Variants in MRAP2 observed in about 807,000 individuals in gnomAD.
MRAP2 encodes the protein melanocortin-2 receptor accessory protein 2.
MRAP2 carries 20 observed loss-of-function variants against 17.4 expected under a neutral mutation model. That is an observed-to-expected ratio of 1.15 (90% CI 0.81 to 1.67). MRAP2 has a LOEUF of 1.67. Among genes scored for constraint, MRAP2 ranks in the 40% most tolerant of loss-of-function variants. The pLI is 0.00. For missense variants in MRAP2, 238 were observed against 240.0 expected, an observed-to-expected ratio of 0.99 and a Z score of 0.05; for synonymous variants, 96 against 88.4, an observed-to-expected ratio of 1.09 and a Z score of -0.48.
intron 1 of MRAP2, among the ~76,000 whole-genome samples, chr6:84,038,164 G>A (rs1588617452): frequency 6.6e-6 from 1 of 152,264 alleles, no homozygotes; most frequent in South Asian, 2.1e-4. Context: ...GCTGGCCTAA[G>A]GGCGAGGGCC....
the MRAP2 span, among the ~76,000 whole-genome samples, chr6:84,101,913 C>T: frequency 3.3e-5 from 5 of 152,148 alleles, no homozygotes; most frequent in Non-Finnish European, 7.3e-5. Context: ...TTATCTTCAT[C>T]ATCATGGAAT....
intron 3 of MRAP2, among the ~76,000 whole-genome samples, chr6:84,084,032 C>T (rs1483766253): frequency 6.6e-6 from 1 of 151,990 alleles, no homozygotes; most frequent in Non-Finnish European, 1.5e-5. Context: ...AGGCTGTGAA[C>T]TAAAATTTTG....
intron 2 of MRAP2, among the ~76,000 whole-genome samples, chr6:84,057,541 T>C (rs1183017667): frequency 6.6e-6 from 1 of 152,208 alleles, no homozygotes; most frequent in Non-Finnish European, 1.5e-5. Flanking sequence ...GAATCCAATA[T>C]TAAACCTTAT....
At chr6:84,075,430 C>T (rs1452429214) in intron 3 of MRAP2, among the ~76,000 whole-genome samples, 4 of 152,130 alleles carry the variant, frequency 2.6e-5, no homozygotes, top group Non-Finnish European at 4.4e-5. Flanking sequence ...TTATTTTTTC[C>T]ATGGAATATT....
the MRAP2 span, among the ~76,000 whole-genome samples, chr6:84,115,010 G>A: frequency 6.6e-6 from 1 of 152,188 alleles, no homozygotes; most frequent in Non-Finnish European, 1.5e-5. Context: ...GGTGTCTGTT[G>A]ACCCCTGCTG....
chr6:84,063,259 A>G (rs2099493654), intron 3 of MRAP2: 2 of 985,204 alleles, frequency 2.0e-6, no homozygotes, highest in Admixed American at 1.2e-4. Flanking sequence ...TGTGGGCCTG[A>G]TTTTTACATT....
intron 1 of MRAP2, among the ~76,000 whole-genome samples, chr6:84,041,801 A>G (rs2099487660): frequency 6.6e-6 from 1 of 152,174 alleles, no homozygotes; most frequent in Middle Eastern, 3.2e-3. Flanking sequence ...GGAAGTAACT[A>G]ACTTGTTTTT....
intron 2 of MRAP2, among the ~76,000 whole-genome samples, chr6:84,060,898 A>C (rs2129166908): frequency 2.3e-5 from 3 of 129,354 alleles, no homozygotes; most frequent in Admixed American, 8.6e-5. Flanking sequence ...ACGGGGTTTC[A>C]CTGTCTTAGC....
At chr6:84,087,633 TA>T (rs1399163839) in intron 3 of MRAP2, among the ~76,000 whole-genome samples, 1 of 152,204 alleles carries the variant, frequency 6.6e-6, no homozygotes. Context: ...GAAGACCATG[TA>T]AATTTGCACT....
chr6:84,059,390 G>A (rs551753652), intron 2 of MRAP2, among the ~76,000 whole-genome samples: 125 of 152,328 alleles, frequency 8.2e-4, no homozygotes, highest in Middle Eastern at 6.8e-3. Context: ...CACAGAATTG[G>A]CCCTACTGCC....
chr6:84,106,036 A>G, the MRAP2 span, among the ~76,000 whole-genome samples: 7 of 152,158 alleles, frequency 4.6e-5, no homozygotes, highest in Non-Finnish European at 7.3e-5. Context: ...CAGAGCATCT[A>G]TAACCTTCTT....
At chr6:84,123,806 T>C in the MRAP2 span, among the ~76,000 whole-genome samples, 21 of 152,126 alleles carry the variant, frequency 1.4e-4, no homozygotes, top group African/African-American at 4.6e-4. Flanking sequence ...ATGGAAAATA[T>C]ATGCAAGTTA....
At position 84,088,956 on chromosome 6, in the gene MRAP2, CA is replaced by C. The variant is rs538574117; in HGVS notation, c.228-134del. The C allele has an allele frequency of 8.1e-4, 730 of 897,538 alleles. 1 individual carries two copies. In the African/African-American group the frequency reaches 0.011, roughly 14 times the overall value. 55.6% of individuals were successfully genotyped at this position (897,538 alleles called of 1,614,324 possible). On this transcript the variant is annotated intron_variant, in intron 3 of 3. Transcript: ENST00000257776. ...TTCTCTTATTTCTCATGTTTGTCTGCATGCCATGCAAGGGGCTTACACTCAA... is the reference window on the plus strand; with the variant it reads ...TTCTCTTATTTCTCATGTTTGTCTGCTGCCATGCAAGGGGCTTACACTCAA...
At chr6:84,105,717 C>A in the MRAP2 span, among the ~76,000 whole-genome samples, 1 of 152,116 alleles carries the variant, frequency 6.6e-6, no homozygotes, top group Non-Finnish European at 1.5e-5. Context: ...ATTAGTCACT[C>A]TAGGCAATAT....
At position 84,038,176 on chromosome 6, in the gene MRAP2, CT is replaced by C. The variant is rs1343040451; in HGVS notation, c.-8+4294del. Among the ~76,000 whole-genome samples, 3 of 152,354 alleles carry C rather than the reference CT, an allele frequency of 2.0e-5. No individual in the cohort carries two copies. In the East Asian group the frequency reaches 5.8e-4, roughly 29 times the overall value. On this transcript the variant is annotated intron_variant, in intron 1 of 3. Transcript: ENST00000257776. Reference sequence around the variant, plus strand: ...AGGGCTGGCCTAAGGGCGAGGGCCCCTGGCAGCAGAAGTAGGAATGAGCAGC... The same window carrying C: ...AGGGCTGGCCTAAGGGCGAGGGCCCCGGCAGCAGAAGTAGGAATGAGCAGC...
the MRAP2 span, among the ~76,000 whole-genome samples, chr6:84,106,803 T>A: frequency 6.6e-6 from 1 of 152,132 alleles, no homozygotes; most frequent in Admixed American, 6.6e-5. Flanking sequence ...CATTTGATGA[T>A]GGAGTGCTGC....
intron 3 of MRAP2, among the ~76,000 whole-genome samples, chr6:84,080,041 AT>A (rs2099498583): frequency 7.0e-6 from 1 of 143,044 alleles, no homozygotes; most frequent in Non-Finnish European, 1.5e-5. Flanking sequence ...TGTTTGTTTG[AT>A]TTTTCTTTTG....
At chr6:84,060,493 C>T (rs1466800157) in intron 2 of MRAP2, among the ~76,000 whole-genome samples, 3 of 152,222 alleles carry the variant, frequency 2.0e-5, no homozygotes, top group African/African-American at 2.4e-5. Flanking sequence ...AATTCTAAAC[C>T]GAAGACTTAA....
At chr6:84,038,073 T>A (rs1041335333) in intron 1 of MRAP2, among the ~76,000 whole-genome samples, 5 of 152,164 alleles carry the variant, frequency 3.3e-5, no homozygotes, top group Admixed American at 1.3e-4. Flanking sequence ...GGTGGCTGGA[T>A]CACTCACCTT....
Sources: gnomAD v4.1 joint callset for allele counts (sites outside exome capture counted in the v4.1 genomes callset) on GRCh38, gnomAD v4.1.1 for gene constraint, MANE v1.5 for transcripts, NCBI Gene and HGNC (gene_info 2026-07-23, HGNC 2026-07-21) for gene names.